CRELD2: variants seen among roughly 807,000 people sequenced by gnomAD.
CRELD2 encodes CRELD disulfide isomerase 2.
Under a neutral mutation model 48.1 loss-of-function variants are expected in CRELD2, and 33 were observed. That is an observed-to-expected ratio of 0.69 (90% confidence interval 0.52 to 0.92). The LOEUF (loss-of-function observed/expected upper bound fraction) is 0.92. CRELD2 is among the 40% of genes least tolerant of loss of function. The pLI is 0.00. For missense variants in CRELD2, 477 were observed against 482.4 expected (o/e 0.99, Z 0.10); for synonymous variants, 220 against 203.9 (o/e 1.08, Z -0.67).
chr22:49,919,819 T>A lies in CRELD2; in HGVS notation c.302T>A (p.Leu101Gln). Reference protein sequence around the residue: ...NQMLEAQEEHLEAWWLQLKSE... With the variant: ...NQMLEAQEEHQEAWWLQLKSE... ...ATGCTAGAGGCGCAGGAGGAGCACC[T>A]GGAGGCCTGGTGGCTGCAGCTGTGA... Residue 101 changes from leucine (L) to glutamine (Q), a missense_variant, in exon 3 of 10, where the codon CTG (leucine) becomes CAG (glutamine). By Grantham distance (113) the Leu-to-Gln change is moderately radical (BLOSUM62 -2). Transcript: ENST00000328268. The A allele has an allele frequency of 6.2e-7, 1 of 1,609,976 alleles. No homozygotes were observed. Among genetic ancestry groups the A allele is most frequent in the Non-Finnish European group, 8.5e-7 (1 of 1,177,316 alleles).
rs143500346 is a variant in CRELD2 at position 49,926,088 on chromosome 22, G to A, written c.1009+531G>A. On this transcript the variant is annotated intron_variant, in intron 9 of 9. Coordinates refer to ENST00000328268, the MANE Select transcript of CRELD2 (RefSeq NM_024324.5). ...TGCTTCCTTGGGAGGCTGGGTGGGC[G>A]CGTCTGTTCCGGGCCTCTGTCCTCG... 20 of 156,066 alleles carry A rather than the reference G, an allele frequency of 1.3e-4. No homozygotes were observed. The East Asian group carries it at 3.6e-3, about 28-fold the overall frequency. 9.7% of individuals were successfully genotyped at this position (156,066 alleles called of 1,614,324 possible). A position where few individuals can be genotyped will look rare whatever the true frequency, so the allele number is the denominator to read the frequency against.
In CRELD2 at chr22:49,918,904, A is replaced by G; in HGVS notation, c.129+6A>G. The stretch of plus-strand genomic sequence containing the variant: ...TGGTGGACAAGTTTAACCAGGTGGG[A>G]AGGGGCCGGGCGGGGTCGTCAACCT... On this transcript the variant is annotated splice_donor_region_variant and intron_variant, in intron 1 of 9. Coordinates refer to ENST00000328268, the MANE Select transcript of CRELD2 (RefSeq NM_024324.5). The G allele has an allele frequency of 7.6e-7, 1 of 1,318,090 alleles. No homozygotes were observed. Among genetic ancestry groups the G allele is most frequent in the Non-Finnish European group, 9.7e-7 (1 of 1,033,454 alleles). 81.6% of individuals were successfully genotyped at this position (1,318,090 alleles called of 1,614,324 possible).
At chr22:49,922,009 C>T (rs1405015480) in intron 5 of CRELD2, 3 of 602,290 alleles carry the variant, frequency 5.0e-6, no homozygotes, top group Non-Finnish European at 8.7e-6. Flanking sequence ...GTTCAAGGTC[C>T]ACCCCGACCT....
chr22:49,921,550 G>C (rs999391319), intron 4 of CRELD2, 35 bp from the exon 5 acceptor site: 1 of 1,600,160 alleles, frequency 6.2e-7, no homozygotes, highest in East Asian at 2.2e-5. Context: ...GTCACCACCA[G>C]GTGTGCTCTG....
intron 7 of CRELD2, chr22:49,923,578 C>T (rs1251604146): frequency 5.1e-6 from 3 of 583,824 alleles, no homozygotes; most frequent in South Asian, 3.7e-5. Context: ...GCCCCCCCAG[C>T]GCCCCCGCAA....
rs551660195 is a variant in CRELD2, at chr22:49,920,180, C to T, written c.348C>T (p.Phe116=). 1.1e-5 allele frequency: 17 copies of T among 1,612,490 alleles called. No homozygotes were observed. The South Asian group carries it at 1.5e-4, about 15-fold the overall frequency. The change falls in exon 4 of 10, where the codon TTC becomes TTT. Residue 116 remains phenylalanine (F), a synonymous_variant. Transcript: ENST00000328268. ...LQLKSEYPDL[F]EWFCVKTLKV... The stretch of plus-strand genomic sequence containing the variant: ...GGAAGAGCGAATATCCTGACTTATT[C>T]GAGTGGTTTTGTGTGAAGACACTGA...
intron 3 of CRELD2, 59 bp downstream of exon 3, chr22:49,919,899 T>A: frequency 7.7e-7 from 1 of 1,298,878 alleles, no homozygotes. Flanking sequence ...GAATTTGAAA[T>A]AACCTCAGAC....
chr22:49,925,616 C>G, intron 9 of CRELD2, 59 bp downstream of exon 9: 1 of 1,601,540 alleles, frequency 6.2e-7, no homozygotes. Context: ...AGGGCTTGCA[C>G]GTAGACTGGC....
chr22:49,923,389 A>G, intron 7 of CRELD2, 72 bp downstream of exon 7: 1 of 1,188,694 alleles, frequency 8.4e-7, no homozygotes, highest in East Asian at 2.4e-5. Context: ...ACATTCATTT[A>G]TGGCTTCTTA....
At chr22:49,925,017 G>C (rs12170023) in intron 8 of CRELD2, 43,537 of 164,232 alleles carry the variant, frequency 0.27, 7,202 homozygotes, top group African/African-American at 0.48. Context: ...TGTAGTCCCA[G>C]CTACTCGGGG....
Position 49,919,759 on chromosome 22 carries a change from G to A in CRELD2, c.242G>A (p.Gly81Glu), listed in dbSNP as rs1231178613. 28 of 1,612,064 alleles carry A rather than the reference G, an allele frequency of 1.7e-5. No homozygotes were observed. The highest frequency in any genetic ancestry group is 2.4e-5 in the Non-Finnish European group (28 of 1,179,262). ...ATTCGCCTGCTGGAGATCCTGGAGG[G>A]GCTGTGCGAGAGCAGCGACTTCGAA... Reference protein sequence around the residue: ...SEIRLLEILEGLCESSDFECN... With the variant: ...SEIRLLEILEELCESSDFECN... Residue 81 changes from glycine (G) to glutamate (E), a missense_variant, in exon 3 of 10, where the codon GGG becomes GAG. Gly to Glu is a moderately conservative substitution (Grantham distance 98). Coordinates refer to ENST00000328268, the MANE Select transcript of CRELD2 (RefSeq NM_024324.5).
chr22:49,921,494 A>G, intron 4 of CRELD2, 91 bp from the exon 5 acceptor site: 2 of 1,329,468 alleles, frequency 1.5e-6, no homozygotes, highest in Non-Finnish European at 2.1e-6. Flanking sequence ...AGAATCGTAC[A>G]GGGTTTGGGT....
At chr22:49,919,411 C>A in intron 2 of CRELD2, 99 bp downstream of exon 2, 1 of 1,130,758 alleles carries the variant, frequency 8.8e-7, no homozygotes, top group Non-Finnish European at 1.3e-6. Context: ...GGAGACAGAA[C>A]AGCCCCCGAG....
At chr22:49,925,828 A>T in intron 9 of CRELD2, 1 of 1,109,028 alleles carries the variant, frequency 9.0e-7, no homozygotes, top group South Asian at 1.9e-5. Context: ...TCAGCGGGCG[A>T]TGAGCAGAGG....
At position 49,922,695 on chromosome 22, in the gene CRELD2, G is replaced by C. The variant is rs888190670; in HGVS notation, c.676G>C (p.Gly226Arg). 2.1e-5 allele frequency: 33 copies of C among 1,549,992 alleles called. No individual in the cohort carries two copies. Among genetic ancestry groups the C allele is most frequent in the Non-Finnish European group, 2.9e-5 (33 of 1,148,470 alleles). ...TGAAGTGGGCTGGGTGCTGGACGAG[G>C]GCGCCTGTGTGGGTGAGGAGCGGCC... ...ECEVGWVLDE[G>R]ACVDVDECAA... Residue 226 changes from glycine to arginine, a missense_variant, in exon 6 of 10, where the codon GGC becomes CGC. Physicochemically the swap from Gly to Arg is moderately radical, Grantham distance 125 (BLOSUM62 -2). Transcript: ENST00000328268.
At chr22:49,923,882 G>T (rs2060729429) in intron 7 of CRELD2, 1 of 245,836 alleles carries the variant, frequency 4.1e-6, no homozygotes, top group South Asian at 4.6e-5. Context: ...CCCCAGAAAA[G>T]TTGTGCTGAT....
rs2060694002 is a variant in CRELD2, at chr22:49,922,075, C to T, written c.592+314C>T. 4.8e-6 allele frequency: 3 copies of T among 624,484 alleles called. No homozygotes were observed. The East Asian group carries it at 8.4e-5, about 17-fold the overall frequency. 38.7% of individuals were successfully genotyped at this position (624,484 alleles called of 1,614,324 possible). A position where few individuals can be genotyped will look rare whatever the true frequency, so the allele number is the denominator to read the frequency against. ...TCCTGGAGGTGCCGTGTGGGCCCCG[C>T]ACCGGCCCAGAGAGCAGCATCTGTC... On this transcript the variant is annotated intron_variant, in intron 5 of 9. Transcript: ENST00000328268.
chr22:49,925,799 A>G (rs1429246391), intron 9 of CRELD2: 3 of 1,319,222 alleles, frequency 2.3e-6, no homozygotes, highest in East Asian at 2.9e-5. Context: ...TGAAGGGGGA[A>G]GTCTCTGAAG....
intron 5 of CRELD2, chr22:49,922,123 G>A: frequency 1.3e-6 from 1 of 742,886 alleles, no homozygotes; most frequent in South Asian, 2.0e-5. Context: ...GCCGTTATGA[G>A]TGGCATCTTT....
Sources: gnomAD v4.1 joint callset for allele counts on GRCh38, gnomAD v4.1.1 for gene constraint, MANE v1.5 for transcripts, NCBI Gene and HGNC (gene_info 2026-07-23, HGNC 2026-07-21) for gene names.